The following PACRG variants were observed in gnomAD, a reference collection of about 807,000 sequenced individuals.
PACRG encodes parkin coregulated gene protein.
PACRG carries 29 observed loss-of-function variants against 29.7 expected under a neutral mutation model. The observed-to-expected ratio is 0.98, with a 90% CI of 0.73 to 1.33. The LOEUF is 1.33. Ranked by LOEUF, PACRG falls within the 40% of genes most tolerant of loss-of-function variation. PACRG has a pLI of 0.00. For missense variants in PACRG, 279 were observed against 316.2 expected, an observed-to-expected ratio of 0.88 and a Z score of 0.89; for synonymous variants, 116 against 118.7, an observed-to-expected ratio of 0.98 and a Z score of 0.15.
At chr6:163,292,124 C>A (rs549498019) in intron 4 of PACRG, among the ~76,000 whole-genome samples, 20 of 152,176 alleles carry the variant, frequency 1.3e-4, no homozygotes, top group African/African-American at 4.8e-4. Context: ...GTTATTCCAA[C>A]AGGAAGGTAA....
intron 2 of PACRG, among the ~76,000 whole-genome samples, chr6:162,914,612 A>T (rs888883562): frequency 6.7e-6 from 1 of 150,182 alleles, no homozygotes; most frequent in African/African-American, 2.4e-5. Context: ...AAAAAAAAAA[A>T]ACCTGCTGGA....
At chr6:162,857,683 A>G (rs1475106751) in intron 2 of PACRG, among the ~76,000 whole-genome samples, 1 of 152,174 alleles carries the variant, frequency 6.6e-6, no homozygotes, top group East Asian at 1.9e-4. Flanking sequence ...GGCTATTTGA[A>G]AAATGCTTAG....
rs34275762 is a variant in PACRG, at chr6:163,308,665, C to CAAAAAA, written c.614-6153_614-6148dup. ...TGGACCACAGAGTGAGGCTCCGTCT[C>CAAAAAA]AAAAAAAAAAAAAAGGAAAATTTAT... On this transcript the variant is annotated intron_variant, in intron 4 of 4. Coordinates refer to ENST00000366888, the MANE Select transcript of PACRG (RefSeq NM_001080379.2). Among the ~76,000 whole-genome samples, 943 of 131,382 alleles carry CAAAAAA rather than the reference C, an allele frequency of 7.2e-3. 11 individuals carry two copies. The highest frequency in any genetic ancestry group is 0.024 in the African/African-American group (903 of 37,772). The allele number at this position is 131,382 out of a possible 152,430, so 86.2% of individuals were successfully genotyped here.
At chr6:162,758,362 T>C (rs1011746446) in intron 1 of PACRG, among the ~76,000 whole-genome samples, 2 of 152,180 alleles carry the variant, frequency 1.3e-5, no homozygotes, top group Non-Finnish European at 1.5e-5. Flanking sequence ...ATGTTATCCA[T>C]GAATGAAAGA....
chr6:163,073,289 A>G (rs1812245027), intron 3 of PACRG, among the ~76,000 whole-genome samples: 1 of 152,158 alleles, frequency 6.6e-6, no homozygotes, highest in Admixed American at 6.5e-5. Context: ...CCATACATCT[A>G]CAGTGAACTC....
chr6:162,798,596 G>A (rs771550721), intron 1 of PACRG, among the ~76,000 whole-genome samples: 2 of 152,060 alleles, frequency 1.3e-5, no homozygotes, highest in Non-Finnish European at 2.9e-5. Context: ...GAAGAAGAAA[G>A]GAGAAATGTT....
intron 4 of PACRG, among the ~76,000 whole-genome samples, chr6:163,214,325 ACCC>A (rs1781277365): frequency 6.6e-6 from 1 of 152,104 alleles, no homozygotes; most frequent in Admixed American, 6.5e-5. Flanking sequence ...GGGAGTTTCT[ACCC>A]ATTCTTTCCA....
intron 2 of PACRG, among the ~76,000 whole-genome samples, chr6:163,006,236 G>A (rs1372352399): frequency 1.4e-5 from 2 of 138,838 alleles, no homozygotes; most frequent in Admixed American, 1.4e-4. Flanking sequence ...ATATATATGG[G>A]TTACATGAGA....
At chr6:162,872,288 C>A (rs1278357535) in intron 2 of PACRG, among the ~76,000 whole-genome samples, 1 of 152,164 alleles carries the variant, frequency 6.6e-6, no homozygotes, top group African/African-American at 2.4e-5. Context: ...TGACTAAAAT[C>A]TGGAGGAAAT....
intron 2 of PACRG, among the ~76,000 whole-genome samples, chr6:162,935,036 C>T (rs1412645185): frequency 6.6e-6 from 1 of 152,118 alleles, no homozygotes; most frequent in Non-Finnish European, 1.5e-5. Flanking sequence ...TGTATGGTTT[C>T]TGTTGAGAAA....
intron 2 of PACRG, among the ~76,000 whole-genome samples, chr6:162,945,184 G>A (rs1031663433): frequency 1.2e-4 from 19 of 152,004 alleles, no homozygotes; most frequent in African/African-American, 4.6e-4. Context: ...AATGTAAACT[G>A]ATTAAACTTT....
At chr6:162,867,145 A>G (rs1792364988) in intron 2 of PACRG, among the ~76,000 whole-genome samples, 1 of 152,092 alleles carries the variant, frequency 6.6e-6, no homozygotes, top group Non-Finnish European at 1.5e-5. Flanking sequence ...CCAAATGCTC[A>G]ATTGCCCCTG....
At chr6:163,311,184 A>G (rs1785399867) in intron 4 of PACRG, among the ~76,000 whole-genome samples, 1 of 152,264 alleles carries the variant, frequency 6.6e-6, no homozygotes, top group Non-Finnish European at 1.5e-5. Context: ...AGGGATCTCC[A>G]AGAACAGAAA....
intron 2 of PACRG, among the ~76,000 whole-genome samples, chr6:162,873,437 A>G (rs961709318): frequency 3.9e-5 from 6 of 152,214 alleles, no homozygotes; most frequent in Admixed American, 2.6e-4. Context: ...CTTAGCACTG[A>G]ATCTATTGCT....
chr6:162,989,543 G>A (rs1412678052), intron 2 of PACRG, among the ~76,000 whole-genome samples: 3 of 152,188 alleles, frequency 2.0e-5, no homozygotes, highest in African/African-American at 7.2e-5. Context: ...CTAATACAAT[G>A]TAAATGCTAT....
At chr6:163,205,877 C>A (rs768437478) in intron 4 of PACRG, among the ~76,000 whole-genome samples, 2 of 152,032 alleles carry the variant, frequency 1.3e-5, no homozygotes, top group African/African-American at 2.4e-5. Flanking sequence ...AAAAACCAAA[C>A]AACCCCATTC....
At chr6:163,175,322 C>A (rs1779292496) in intron 4 of PACRG, among the ~76,000 whole-genome samples, 1 of 151,972 alleles carries the variant, frequency 6.6e-6, no homozygotes, top group African/African-American at 2.4e-5. Flanking sequence ...TTGGGAGGGA[C>A]CTGAAGAGAC....
chr6:162,782,664 T>G (rs943858157), intron 1 of PACRG, among the ~76,000 whole-genome samples: 1 of 151,846 alleles, frequency 6.6e-6, no homozygotes, highest in African/African-American at 2.4e-5. Context: ...ATTTACATTA[T>G]TTGGTTGGGG....
At chr6:163,164,860 C>T (rs955178339) in intron 4 of PACRG, among the ~76,000 whole-genome samples, 4 of 152,202 alleles carry the variant, frequency 2.6e-5, no homozygotes, top group African/African-American at 9.7e-5. Context: ...AGGATTCTGA[C>T]TTTATTTCCT....
Sources: gnomAD v4.1 joint callset for allele counts (sites outside exome capture counted in the v4.1 genomes callset) on GRCh38, gnomAD v4.1.1 for gene constraint, MANE v1.5 for transcripts, NCBI Gene and HGNC (gene_info 2026-07-23, HGNC 2026-07-21) for gene names.